FRY: variants seen among roughly 807,000 people sequenced by gnomAD.
FRY encodes the protein FRY microtubule binding protein.
Under a neutral mutation model 348.4 loss-of-function variants are expected in FRY, and 128 were observed. That is an observed-to-expected ratio of 0.37 (90% CI 0.32 to 0.43). FRY has a LOEUF of 0.43. Among genes scored for constraint, FRY ranks in the 20% least tolerant of loss-of-function variants. The probability of loss-of-function intolerance (pLI) is 1.00; values close to 1 mark genes in which losing one functional copy is unlikely to be tolerated. For missense variants in FRY, 2,736 were observed against 3,695.2 expected (o/e 0.74, Z 6.73); for synonymous variants, 1,370 against 1,374.7 (o/e 1.00, Z 0.08).
intron 51 of FRY, among the ~76,000 whole-genome samples, chr13:32,256,564 C>T (rs543425083): frequency 5.1e-4 from 78 of 151,982 alleles, no homozygotes; most frequent in African/African-American, 1.8e-3. Context: ...GAAGAAGAAA[C>T]TCACGGGGCT....
At chr13:32,290,950 G>T (rs973823975) in intron 59 of FRY, among the ~76,000 whole-genome samples, 7 of 152,150 alleles carry the variant, frequency 4.6e-5, no homozygotes, top group Non-Finnish European at 1.5e-5. Flanking sequence ...GCTGTGTCCA[G>T]ACAGTCAAGC....
chr13:32,237,811 C>G lies in FRY; in HGVS notation c.6243C>G (p.Asn2081Lys). The G allele has an allele frequency of 6.2e-7, 1 of 1,614,174 alleles. No individual in the cohort carries two copies. Among genetic ancestry groups the G allele is most frequent in the Non-Finnish European group, 8.5e-7 (1 of 1,180,028 alleles). Residue 2081 changes from asparagine to lysine, a missense_variant, in exon 44 of 61, where the codon AAC becomes AAG. Asn to Lys is a moderately conservative substitution (Grantham distance 94, BLOSUM62 0). Around this residue, in one of 9 missense-constraint regions of FRY, gnomAD observed 789 missense variants for 996.2 expected, o/e 0.79. Coordinates refer to ENST00000542859, the MANE Select transcript of FRY (RefSeq NM_023037.3). The surrounding 1 kb of genome is among the most constrained non-coding windows in gnomAD (Gnocchi z 6.3). Reference protein sequence around the residue: ...LAHMPLDKAENREKLEKLQAQ... With the variant: ...LAHMPLDKAEKREKLEKLQAQ... ...ATATGCCACTCGATAAGGCTGAGAA[C>G]CGAGAAAAGCTTGAGAAACTCCAGG...
rs567771373 is a variant in FRY at position 32,213,951 on chromosome 13, G to A, written c.4682+1569G>A. Among the ~76,000 whole-genome samples the A allele has an allele frequency of 2.0e-5, 3 of 152,296 alleles. No homozygotes were observed. The East Asian group carries it at 5.8e-4, about 29-fold the overall frequency. On this transcript the variant is annotated intron_variant, in intron 35 of 60. Transcript: ENST00000542859. ...GTCACCATATCTCTGCTGGTCATTG[G>A]AAAGCCTGATGCAATTATCTACCCA... is the stretch of plus-strand genomic sequence containing the variant.
At chr13:32,100,762 G>A (rs190801930) in intron 2 of FRY, among the ~76,000 whole-genome samples, 2 of 152,304 alleles carry the variant, frequency 1.3e-5, no homozygotes, top group South Asian at 2.1e-4. Flanking sequence ...ATACCCAGAA[G>A]TCCAAGATCA....
intron 4 of FRY, among the ~76,000 whole-genome samples, chr13:32,122,144 C>A (rs970877009): frequency 2.0e-5 from 3 of 152,028 alleles, no homozygotes; most frequent in Non-Finnish European, 1.5e-5. Flanking sequence ...CCAATAGATG[C>A]AGAAAAAGCA....
chr13:32,226,955 G>T (rs866693850), intron 39 of FRY, among the ~76,000 whole-genome samples: 1 of 152,176 alleles, frequency 6.6e-6, no homozygotes, highest in Non-Finnish European at 1.5e-5. Flanking sequence ...AACTCCCTTT[G>T]CTGTAGATGT....
chr13:32,228,412 C>A, intron 39 of FRY, 44 bp from the exon 40 acceptor site: 1 of 1,410,172 alleles, frequency 7.1e-7, no homozygotes, highest in Non-Finnish European at 1.0e-6. Flanking sequence ...TGCTGACAAG[C>A]ACACTGCCTA....
intron 13 of FRY, among the ~76,000 whole-genome samples, chr13:32,148,192 C>T (rs2285331): frequency 0.27 from 41,286 of 152,094 alleles, 5,869 homozygotes; most frequent in East Asian, 0.47. Context: ...TTAAGTGGCT[C>T]ATCTGAGTCA....
At chr13:32,117,545 G>A in intron 4 of FRY, 72 bp downstream of exon 4, 1 of 1,516,606 alleles carries the variant, frequency 6.6e-7, no homozygotes, top group Non-Finnish European at 9.1e-7. Context: ...CAAAATTAGA[G>A]TTACAAGGCA....
At chr13:32,213,664 C>T (rs1033443275) in intron 35 of FRY, among the ~76,000 whole-genome samples, 3 of 152,194 alleles carry the variant, frequency 2.0e-5, no homozygotes, top group African/African-American at 4.8e-5. Flanking sequence ...GATATTTTTA[C>T]TTTCTCACTA....
intron 36 of FRY, among the ~76,000 whole-genome samples, chr13:32,220,149 A>T (rs529524838): frequency 2.6e-5 from 4 of 152,272 alleles, no homozygotes; most frequent in Non-Finnish European, 5.9e-5. Flanking sequence ...ACATTTCATG[A>T]GTTAAGTTCA....
intron 8 of FRY, 132 bp from the exon 9 acceptor site, chr13:32,134,772 T>C (rs575640606): frequency 1.3e-6 from 1 of 750,000 alleles, no homozygotes; most frequent in East Asian, 2.4e-5. Flanking sequence ...CCAGTGATTT[T>C]TAATAGACTA....
chr13:32,246,390 C>T (rs1886801138), intron 47 of FRY, among the ~76,000 whole-genome samples: 2 of 152,146 alleles, frequency 1.3e-5, no homozygotes, highest in African/African-American at 4.8e-5. Flanking sequence ...GATGGTAAAA[C>T]TGAGTCTTAA....
chr13:32,227,206 G>T (rs1885627125), intron 39 of FRY, among the ~76,000 whole-genome samples: 1 of 152,102 alleles, frequency 6.6e-6, no homozygotes, highest in African/African-American at 2.4e-5. Flanking sequence ...CAGGACACAG[G>T]GAATAGGTGT....
intron 34 of FRY, 39 bp from the exon 35 acceptor site, chr13:32,212,253 A>C (rs779504865): frequency 8.5e-7 from 1 of 1,180,344 alleles, no homozygotes; most frequent in Non-Finnish European, 1.3e-6. Context: ...CTCAGCTTGC[A>C]TCTTTTTATA....
intron 13 of FRY, among the ~76,000 whole-genome samples, chr13:32,149,117 ATATATATTTCTGT>A (rs1349901505): frequency 6.7e-6 from 1 of 148,358 alleles, no homozygotes; most frequent in Non-Finnish European, 1.5e-5. Flanking sequence ...TATACCTGAT[ATATATATTTCTGT>A]TATATATTCC....
chr13:32,190,929 A>T (rs1263721050), intron 28 of FRY, among the ~76,000 whole-genome samples: 3 of 152,198 alleles, frequency 2.0e-5, no homozygotes, highest in African/African-American at 7.2e-5. Flanking sequence ...ATGGTCATTA[A>T]AACACTGAAC....
chr13:32,056,188 T>A (rs1192849376), intron 1 of FRY, among the ~76,000 whole-genome samples: 5 of 119,804 alleles, frequency 4.2e-5, no homozygotes, highest in South Asian at 2.9e-4. Flanking sequence ...AGACTCCATC[T>A]AAAAAAAAAA....
At chr13:32,180,058 A>G (rs1882604829) in intron 23 of FRY, among the ~76,000 whole-genome samples, 1 of 152,200 alleles carries the variant, frequency 6.6e-6, no homozygotes, top group Admixed American at 6.5e-5. Flanking sequence ...GTTTTAGACA[A>G]CTAAAAATGA....
Sources: allele counts gnomAD v4.1 joint callset (sites outside exome capture counted in the v4.1 genomes callset), GRCh38; gene constraint gnomAD v4.1.1; regional missense constraint gnomAD v4.1.1; non-coding constraint Gnocchi (gnomAD v3.1); transcripts MANE v1.5; gene names NCBI Gene and HGNC (gene_info 2026-07-23, HGNC 2026-07-21).